CACNA1D: variants seen among roughly 807,000 people sequenced by gnomAD.
CACNA1D encodes calcium voltage-gated channel subunit alpha1 D, also known as voltage-dependent L-type calcium channel subunit alpha-1D.
Under a neutral mutation model 257.1 loss-of-function variants are expected in CACNA1D, and 55 were observed. That is an observed-to-expected ratio of 0.21 (90% CI 0.17 to 0.27). CACNA1D has a LOEUF of 0.27. Ranked by LOEUF, CACNA1D falls within the 10% of genes least tolerant of loss-of-function variation. The pLI is 1.00. For missense variants in CACNA1D, 1,876 were observed against 2,784.0 expected (o/e 0.67, Z 7.34); for synonymous variants, 980 against 1,014.9 (o/e 0.97, Z 0.65).
chr3:53,688,357 G>T (rs1025917988), intron 8 of CACNA1D, among the ~76,000 whole-genome samples: 1 of 152,188 alleles, frequency 6.6e-6, no homozygotes. Flanking sequence ...TGGCCCGTGT[G>T]CTTGCTCTGT....
intron 3 of CACNA1D, among the ~76,000 whole-genome samples, chr3:53,609,432 A>C (rs1337709461): frequency 6.8e-6 from 1 of 147,482 alleles, no homozygotes; most frequent in Non-Finnish European, 1.5e-5. Flanking sequence ...AAAAAAAAAA[A>C]ACTTCAAGTT....
At chr3:53,611,463 G>T (rs566363458) in intron 3 of CACNA1D, among the ~76,000 whole-genome samples, 14 of 152,218 alleles carry the variant, frequency 9.2e-5, no homozygotes, top group Non-Finnish European at 1.9e-4. Context: ...TTGATTTCAA[G>T]ATTTTTTCTT....
intron 8 of CACNA1D, among the ~76,000 whole-genome samples, chr3:53,696,427 G>A (rs2094573857): frequency 6.6e-6 from 1 of 152,240 alleles, no homozygotes; most frequent in Non-Finnish European, 1.5e-5. Context: ...CTATACAAGA[G>A]GGTGATAGCA....
intron 8 of CACNA1D, among the ~76,000 whole-genome samples, chr3:53,686,355 A>G (rs1028201692): frequency 1.3e-5 from 2 of 152,068 alleles, no homozygotes; most frequent in Non-Finnish European, 2.9e-5. Flanking sequence ...GCATTTCCCA[A>G]CTCATGAGGC....
intron 3 of CACNA1D, among the ~76,000 whole-genome samples, chr3:53,642,376 G>A (rs924311975): frequency 1.3e-5 from 2 of 152,234 alleles, no homozygotes; most frequent in Admixed American, 6.5e-5. Flanking sequence ...CCCGGTTGGT[G>A]TGGGTTGGAG....
At chr3:53,496,787 T>G (rs2090370018) in intron 1 of CACNA1D, among the ~76,000 whole-genome samples, 1 of 152,158 alleles carries the variant, frequency 6.6e-6, no homozygotes, top group East Asian at 1.9e-4. Flanking sequence ...CTGTTACTCA[T>G]TAGAGATAGA....
At chr3:53,781,227 C>T (rs1216227834) in intron 38 of CACNA1D, among the ~76,000 whole-genome samples, 1 of 152,162 alleles carries the variant, frequency 6.6e-6, no homozygotes, top group African/African-American at 2.4e-5. Flanking sequence ...CATGAAAGAG[C>T]AGAAGGCAAA....
intron 19 of CACNA1D, among the ~76,000 whole-genome samples, chr3:53,734,942 C>T (rs1298410895): frequency 6.6e-6 from 1 of 152,172 alleles, no homozygotes; most frequent in Non-Finnish European, 1.5e-5. Flanking sequence ...CAGGCCTGGC[C>T]TCAGTTTCCT....
intron 3 of CACNA1D, among the ~76,000 whole-genome samples, chr3:53,509,212 AC>A (rs1198081358): frequency 1.4e-5 from 2 of 146,648 alleles, no homozygotes; most frequent in African/African-American, 5.5e-5. Context: ...GGAGGAAGAA[AC>A]AGAATAGCTG....
At chr3:53,670,902 G>T (rs1318548497) in intron 7 of CACNA1D, among the ~76,000 whole-genome samples, 1 of 152,152 alleles carries the variant, frequency 6.6e-6, no homozygotes, top group Non-Finnish European at 1.5e-5. Flanking sequence ...TAAGATCCAA[G>T]AAATGCTTGG....
chr3:53,509,093 C>T (rs990851417), intron 3 of CACNA1D, among the ~76,000 whole-genome samples: 53 of 152,208 alleles, frequency 3.5e-4, no homozygotes, highest in East Asian at 5.8e-4. Flanking sequence ...GTGGTGGAGG[C>T]GGGGGCCTTC....
In CACNA1D at chr3:53,572,514, C is replaced by T. The variant is rs560728386; in HGVS notation, c.483+70794C>T. Among the ~76,000 whole-genome samples the T allele has an allele frequency of 5.3e-5, 8 of 152,244 alleles. No individual in the cohort carries two copies. In the East Asian group the frequency reaches 1.5e-3, roughly 29 times the overall value. On this transcript the variant is annotated intron_variant, in intron 3 of 47. Transcript: ENST00000350061. ...TCCTAGGCTCAAGCGATTCTCCCACCTCAGCCTCCTGAGTAGCTGGGACTA... is the reference window on the plus strand; with the variant it reads ...TCCTAGGCTCAAGCGATTCTCCCACTTCAGCCTCCTGAGTAGCTGGGACTA...
chr3:53,782,431 T>C (rs546065304), intron 39 of CACNA1D: 15 of 152,036 alleles, frequency 9.9e-5, no homozygotes, highest in Non-Finnish European at 1.8e-4. Flanking sequence ...TCTAGCATCC[T>C]TGGGCCGGGC....
chr3:53,537,480 G>T (rs1369000022), intron 3 of CACNA1D, among the ~76,000 whole-genome samples: 3 of 151,988 alleles, frequency 2.0e-5, no homozygotes, highest in African/African-American at 4.8e-5. Flanking sequence ...TTTATCTGTA[G>T]ATATTTCAGT....
At chr3:53,607,765 C>T (rs2093531200) in intron 3 of CACNA1D, among the ~76,000 whole-genome samples, 1 of 152,144 alleles carries the variant, frequency 6.6e-6, no homozygotes, top group South Asian at 2.1e-4. Flanking sequence ...CCTGAATATC[C>T]AGTTGTTCTA....
intron 39 of CACNA1D, 40 bp downstream of exon 39, chr3:53,781,707 C>A: frequency 1.5e-6 from 2 of 1,363,384 alleles, no homozygotes; most frequent in Non-Finnish European, 2.1e-6. Context: ...TTGGCCAGTG[C>A]TTTGGTTTTA....
At chr3:53,517,597 C>T (rs1052640907) in intron 3 of CACNA1D, among the ~76,000 whole-genome samples, 1 of 152,014 alleles carries the variant, frequency 6.6e-6, no homozygotes, top group Non-Finnish European at 1.5e-5. Context: ...GATTCTTCTG[C>T]CTCAGCCTCC....
chr3:53,612,377 CT>C (rs1248838747), intron 3 of CACNA1D, among the ~76,000 whole-genome samples: 1 of 152,150 alleles, frequency 6.6e-6, no homozygotes, highest in Non-Finnish European at 1.5e-5. Flanking sequence ...CATAGTGATC[CT>C]TTCAAAGACT....
At chr3:53,782,264 G>GTGTGTATATATATATATATATATATATA (rs6147823) in intron 39 of CACNA1D, 1 of 75,450 alleles carries the variant, frequency 1.3e-5, no homozygotes, top group African/African-American at 6.3e-5. Flanking sequence ...GTGTGTGTGT[G>GTGTGTATATATATATATATATATATATA]TATATATATA....
Sources: allele counts gnomAD v4.1 joint callset (sites outside exome capture counted in the v4.1 genomes callset), GRCh38; gene constraint gnomAD v4.1.1; transcripts MANE v1.5; gene names NCBI Gene and HGNC (gene_info 2026-07-23, HGNC 2026-07-21).